The following CCBE1 variants were observed in gnomAD, a reference collection of about 807,000 sequenced individuals.
CCBE1 encodes collagen and calcium-binding EGF domain-containing protein 1.
Under a neutral mutation model 50.0 loss-of-function variants are expected in CCBE1, and 37 were observed. That is an observed-to-expected ratio of 0.74 (90% confidence interval 0.57 to 0.97). The LOEUF (loss-of-function observed/expected upper bound fraction) is 0.97. CCBE1 is among the 50% of genes least tolerant of loss of function. The pLI, the probability that CCBE1 is intolerant of heterozygous loss-of-function variation, is 0.00. For missense variants in CCBE1, 538 were observed against 523.8 expected, an observed-to-expected ratio of 1.03 and a Z score of -0.26; for synonymous variants, 234 against 203.7, an observed-to-expected ratio of 1.15 and a Z score of -1.27.
At chr18:59,609,749 T>C (rs139473922) in intron 2 of CCBE1, among the ~76,000 whole-genome samples, 3,319 of 152,354 alleles carry the variant, frequency 0.022, 59 homozygotes, top group South Asian at 0.048. Context: ...AGAGGGTCTA[T>C]TCCTCTCCTG....
rs764820315 is a variant in CCBE1, at chr18:59,433,640, T to G, written c.*2268A>C. On this transcript the variant is annotated 3_prime_UTR_variant, in exon 11 of 11. Coordinates refer to ENST00000439986, the MANE Select transcript of CCBE1 (RefSeq NM_133459.4). ...TTTTTTTTGAGACAGAGTCTCGCTC[T>G]GTCGCCCAGGCTGGAGTGCAGTGGC... The G allele has an allele frequency of 2.6e-5, 4 of 151,334 alleles. No homozygotes were observed. The highest frequency in any genetic ancestry group is 5.9e-5 in the Non-Finnish European group (4 of 67,958). The allele number at this position is 151,334 out of a possible 1,614,324, so 9.4% of individuals were successfully genotyped here.
chr18:59,431,198 C>T lies in CCBE1; in HGVS notation c.*4710G>A, dbSNP rs1337715213. On this transcript the variant is annotated 3_prime_UTR_variant, in exon 11 of 11. Coordinates refer to ENST00000439986, the MANE Select transcript of CCBE1 (RefSeq NM_133459.4). ...TTCTATGATTTCCCTAGAGCAGTAACGTTTGTTGAGGGAGCATGTGAAGTT... is the reference window on the plus strand; with the variant it reads ...TTCTATGATTTCCCTAGAGCAGTAATGTTTGTTGAGGGAGCATGTGAAGTT... The T allele has an allele frequency of 3.9e-5, 6 of 152,156 alleles. No individual in the cohort carries two copies. The highest frequency in any genetic ancestry group is 9.7e-5 in the African/African-American group (4 of 41,446). The allele number at this position is 152,156 out of a possible 1,614,324, so 9.4% of individuals were successfully genotyped here.
At chr18:59,583,664 T>C (rs2053121964) in intron 2 of CCBE1, among the ~76,000 whole-genome samples, 1 of 90,592 alleles carries the variant, frequency 1.1e-5, no homozygotes, top group African/African-American at 4.7e-5. Flanking sequence ...CGTGTGTGTG[T>C]GTGTGTGTGT....
Position 59,435,457 on chromosome 18 carries a change from A to C in CCBE1, c.*451T>G, listed in dbSNP as rs1045406537. 5.6e-6 allele frequency: 1 copy of C among 178,628 alleles called. No homozygotes were observed. The highest frequency in any genetic ancestry group is 1.2e-5 in the Non-Finnish European group (1 of 83,400). The allele number at this position is 178,628 out of a possible 1,614,324, so 11.1% of individuals were successfully genotyped here. A position where few individuals can be genotyped will look rare whatever the true frequency, so the allele number is the denominator to read the frequency against. ...ACCCCTTTTTAACTGAAGAGCCCCA[A>C]TTTTGATACTAGAGGAGTTATGGTC... On this transcript the variant is annotated 3_prime_UTR_variant, in exon 11 of 11. Coordinates refer to ENST00000439986, the MANE Select transcript of CCBE1 (RefSeq NM_133459.4).
At chr18:59,654,306 G>C (rs371667886) in intron 2 of CCBE1, among the ~76,000 whole-genome samples, 1 of 152,194 alleles carries the variant, frequency 6.6e-6, no homozygotes, top group Admixed American at 6.5e-5. Context: ...GGGCACACGC[G>C]TATGTGTGGC....
chr18:59,648,476 G>A (rs80075069), intron 2 of CCBE1, among the ~76,000 whole-genome samples: 1,833 of 152,284 alleles, frequency 0.012, 19 homozygotes, highest in Non-Finnish European at 0.019. Flanking sequence ...AGGCTGACAC[G>A]GATGGATCAC....
intron 2 of CCBE1, among the ~76,000 whole-genome samples, chr18:59,661,517 T>G (rs73961286): frequency 0.081 from 12,272 of 152,228 alleles, 1,006 homozygotes; most frequent in African/African-American, 0.21. Flanking sequence ...TCAGGTAGTT[T>G]TATTCTAGAA....
At chr18:59,628,007 G>C (rs2053808754) in intron 2 of CCBE1, among the ~76,000 whole-genome samples, 1 of 152,182 alleles carries the variant, frequency 6.6e-6, no homozygotes, top group Non-Finnish European at 1.5e-5. Flanking sequence ...GAGCCCAAGA[G>C]TTCAAGACCA....
At chr18:59,618,542 C>A (rs1202193921) in intron 2 of CCBE1, among the ~76,000 whole-genome samples, 1 of 151,058 alleles carries the variant, frequency 6.6e-6, no homozygotes, top group Non-Finnish European at 1.5e-5. Flanking sequence ...TCAAGAGATT[C>A]TCCTGCTTCA....
chr18:59,542,428 C>T (rs1229235622), intron 2 of CCBE1, among the ~76,000 whole-genome samples: 2 of 151,980 alleles, frequency 1.3e-5, no homozygotes, highest in African/African-American at 4.8e-5. Flanking sequence ...AAAGCTAAAG[C>T]ATCAAGGATG....
intron 2 of CCBE1, among the ~76,000 whole-genome samples, chr18:59,677,013 C>T (rs1161228204): frequency 1.3e-5 from 2 of 152,032 alleles, no homozygotes; most frequent in Admixed American, 1.3e-4. Flanking sequence ...GCCTCACAGC[C>T]CAGGGTAAGG....
intron 2 of CCBE1, among the ~76,000 whole-genome samples, chr18:59,573,060 G>T (rs968689878): frequency 2.0e-5 from 3 of 151,706 alleles, no homozygotes; most frequent in Non-Finnish European, 4.4e-5. Flanking sequence ...AAGGAGGGTG[G>T]ATCACTTGAG....
At chr18:59,559,694 C>T (rs2052707187) in intron 2 of CCBE1, among the ~76,000 whole-genome samples, 1 of 152,202 alleles carries the variant, frequency 6.6e-6, no homozygotes, top group South Asian at 2.1e-4. Context: ...GGTCCCTGAA[C>T]CTAGATAAGT....
chr18:59,642,948 C>CAAAAAAAAAAA (rs10683687), intron 2 of CCBE1, among the ~76,000 whole-genome samples: 4 of 94,200 alleles, frequency 4.2e-5, no homozygotes, highest in African/African-American at 1.7e-4. Flanking sequence ...GACTCCACCT[C>CAAAAAAAAAAA]AAAAAAAAAA....
At chr18:59,495,442 AAGTGATTTGTTC>A (rs1392070512) in intron 2 of CCBE1, among the ~76,000 whole-genome samples, 2 of 148,534 alleles carry the variant, frequency 1.3e-5, no homozygotes, top group Non-Finnish European at 3.0e-5. Flanking sequence ...CAAAATAGGA[AAGTGATTTGTTC>A]AGGTTCAGAC....
intron 2 of CCBE1, among the ~76,000 whole-genome samples, chr18:59,619,846 A>G (rs1795806754): frequency 6.6e-6 from 1 of 152,176 alleles, no homozygotes; most frequent in Admixed American, 6.5e-5. Context: ...ATTTATATCT[A>G]ACTTCATTTT....
intron 7 of CCBE1, among the ~76,000 whole-genome samples, 184 bp from the exon 8 acceptor site, chr18:59,440,000 A>G (rs991996916): frequency 3.9e-5 from 6 of 152,194 alleles, no homozygotes; most frequent in Admixed American, 3.3e-4. Flanking sequence ...CGGCTTCCCC[A>G]TCTTCCTCTC....
intron 2 of CCBE1, among the ~76,000 whole-genome samples, chr18:59,553,215 A>G (rs1251798721): frequency 1.8e-5 from 2 of 112,158 alleles, no homozygotes; most frequent in Non-Finnish European, 3.9e-5. Flanking sequence ...CTGGAGAAAG[A>G]GTTTACCCTC....
At chr18:59,454,319 A>G (rs774510345) in intron 6 of CCBE1, among the ~76,000 whole-genome samples, 1 of 152,160 alleles carries the variant, frequency 6.6e-6, no homozygotes, top group Admixed American at 6.6e-5. Flanking sequence ...GTCCCAGCTC[A>G]CTGCAACCTC....
Sources: allele counts gnomAD v4.1 joint callset (sites outside exome capture counted in the v4.1 genomes callset), GRCh38; gene constraint gnomAD v4.1.1; transcripts MANE v1.5; gene names NCBI Gene and HGNC (gene_info 2026-07-23, HGNC 2026-07-21).